CNGB3: variants seen among roughly 807,000 people sequenced by gnomAD.
CNGB3 encodes cyclic nucleotide-gated channel beta-3.
In CNGB3, 86 loss-of-function variants were observed where a neutral mutation model predicts 92.8. The observed-to-expected ratio is 0.93, with a 90% CI of 0.78 to 1.11. CNGB3 has a LOEUF of 1.11. Ranked by LOEUF, CNGB3 falls within the 50% of genes least tolerant of loss-of-function variation. The pLI is 0.00. For missense variants in CNGB3, 1,026 were observed against 956.8 expected, an observed-to-expected ratio of 1.07 and a Z score of -0.95; for synonymous variants, 333 against 332.7, an observed-to-expected ratio of 1.00 and a Z score of -0.01.
At chr8:86,717,480 T>C (rs1278863974) in intron 3 of CNGB3, among the ~76,000 whole-genome samples, 2 of 151,786 alleles carry the variant, frequency 1.3e-5, no homozygotes, top group East Asian at 1.9e-4. Context: ...GGAGAATTTT[T>C]TGAACCCAGG....
chr8:86,645,012 T>C (rs1823270340), intron 8 of CNGB3, among the ~76,000 whole-genome samples: 1 of 151,254 alleles, frequency 6.6e-6, no homozygotes. Flanking sequence ...TTCCCAACAA[T>C]TAAAGTCACA....
At chr8:86,654,316 C>G (rs1351005251) in intron 6 of CNGB3, among the ~76,000 whole-genome samples, 1 of 152,150 alleles carries the variant, frequency 6.6e-6, no homozygotes, top group Admixed American at 6.6e-5. Context: ...CCCTCACATT[C>G]ATCCTTAACT....
chr8:86,596,484 G>A (rs1053426427), intron 15 of CNGB3, among the ~76,000 whole-genome samples: 1 of 152,174 alleles, frequency 6.6e-6, no homozygotes, highest in Admixed American at 6.5e-5. Flanking sequence ...AAGGGCACAA[G>A]GCTGAATATG....
intron 10 of CNGB3, among the ~76,000 whole-genome samples, chr8:86,641,668 T>A (rs1823190584): frequency 6.6e-6 from 1 of 151,890 alleles, no homozygotes; most frequent in Non-Finnish European, 1.5e-5. Context: ...TAGAAGTTAT[T>A]CTCTCTATTT....
chr8:86,650,140 G>A (rs969709783), intron 7 of CNGB3, among the ~76,000 whole-genome samples: 5 of 151,498 alleles, frequency 3.3e-5, no homozygotes, highest in African/African-American at 7.3e-5. Context: ...GTACAGAACA[G>A]TAATTAAAAT....
At position 86,611,584 on chromosome 8, in the gene CNGB3, T is replaced by G. The variant is rs1822522169; in HGVS notation, c.1662+4A>C. The G allele has an allele frequency of 6.2e-7, 1 of 1,609,488 alleles. No individual in the cohort carries two copies. Among genetic ancestry groups the G allele is most frequent in the South Asian group, 1.1e-5 (1 of 90,994 alleles). On this transcript the variant is annotated splice_donor_region_variant and intron_variant, in intron 14 of 17. Coordinates refer to ENST00000320005, the MANE Select transcript of CNGB3 (RefSeq NM_019098.5). ...TGTGCATTTGAAAAATAGCATGCAC[T>G]CACCTTTTTGCAGACAAAGTCACCA... is the stretch of plus-strand genomic sequence containing the variant.
intron 6 of CNGB3, chr8:86,661,082 C>G (rs934118750): frequency 1.8e-5 from 4 of 224,888 alleles, no homozygotes; most frequent in African/African-American, 9.4e-5. Context: ...ATTCGTTCCC[C>G]CATATGAGTC....
intron 14 of CNGB3, among the ~76,000 whole-genome samples, chr8:86,607,846 G>A (rs1246604420): frequency 6.6e-6 from 1 of 152,084 alleles, no homozygotes; most frequent in South Asian, 2.1e-4. Context: ...CAAATTGAAC[G>A]TATTTTTTTC....
At chr8:86,582,813 T>G (rs1174950888) in intron 15 of CNGB3, among the ~76,000 whole-genome samples, 2 of 152,128 alleles carry the variant, frequency 1.3e-5, no homozygotes, top group Non-Finnish European at 2.9e-5. Context: ...GGCCTTGCCC[T>G]GCAAAAAACA....
At chr8:86,583,907 G>C (rs960303701) in intron 15 of CNGB3, among the ~76,000 whole-genome samples, 3 of 112,818 alleles carry the variant, frequency 2.7e-5, no homozygotes, top group African/African-American at 1.0e-4. Flanking sequence ...GGGTGACAGA[G>C]TGAGACCTTG....
chr8:86,608,626 T>G (rs776247747), intron 14 of CNGB3, among the ~76,000 whole-genome samples: 1 of 152,256 alleles, frequency 6.6e-6, no homozygotes. Flanking sequence ...TGTTCCATCC[T>G]GTACACCTAG....
chr8:86,575,832 A>C lies in CNGB3; in HGVS notation c.2402T>G (p.Ile801Ser). ...TTGCTTAGCCTTTTCTTTGACTTCA[A>C]TAGTAAGAACCTCTTCTCCGCCCTC... ...SAEGGEEVLT[I>S]EVKEKAKQ The change falls in exon 18 of 18, where the codon ATT becomes AGT. Residue 801 changes from isoleucine (I) to serine (S), a missense_variant. By Grantham distance (142) the Ile-to-Ser change is moderately radical. Transcript: ENST00000320005. 1 of 1,613,920 alleles carries C rather than the reference A, an allele frequency of 6.2e-7. No individual in the cohort carries two copies. Among genetic ancestry groups the C allele is most frequent in the Non-Finnish European group, 8.5e-7 (1 of 1,179,948 alleles).
rs189808336 is a variant in CNGB3 at position 86,715,629 on chromosome 8, A to G, written c.338+10902T>C. Among the ~76,000 whole-genome samples, 94 of 152,262 alleles carry G rather than the reference A, an allele frequency of 6.2e-4. 1 individual carries two copies. The highest frequency in any genetic ancestry group is 2.2e-3 in the African/African-American group (93 of 41,552). On this transcript the variant is annotated intron_variant, in intron 3 of 17. Transcript: ENST00000320005. ...GAAAAGATCTCACCAGCTCACCAGC[A>G]ATGGATCTAAACCAAGATGAAATCT...
chr8:86,648,638 A>G (rs1823337444), intron 7 of CNGB3, among the ~76,000 whole-genome samples: 1 of 151,274 alleles, frequency 6.6e-6, no homozygotes, highest in South Asian at 2.1e-4. Context: ...GGCAACAACA[A>G]TAAGAAATTC....
At chr8:86,582,102 G>A (rs2131535804) in intron 15 of CNGB3, among the ~76,000 whole-genome samples, 1 of 87,744 alleles carries the variant, frequency 1.1e-5, no homozygotes, top group Non-Finnish European at 2.8e-5. Flanking sequence ...AGATATTGGA[G>A]TTATTAGGAA....
intron 10 of CNGB3, among the ~76,000 whole-genome samples, chr8:86,636,947 T>C (rs1823083965): frequency 6.6e-6 from 1 of 152,240 alleles, no homozygotes; most frequent in Admixed American, 6.5e-5. Flanking sequence ...ATTTTAAGGC[T>C]GAATGATATT....
At chr8:86,739,620 G>GTTTTTTTTTTTTTTTTTTT in intron 2 of CNGB3, 35 bp downstream of exon 2, 3 of 1,488,506 alleles carry the variant, frequency 2.0e-6, no homozygotes, top group East Asian at 2.4e-5. Flanking sequence ...TCACTTTTTA[G>GTTTTTTTTTTTTTTTTTTT]TTTTTTTTTT....
intron 13 of CNGB3, among the ~76,000 whole-genome samples, chr8:86,614,214 C>T (rs1822572952): frequency 6.6e-6 from 1 of 151,924 alleles, no homozygotes. Context: ...TGCTTTATAC[C>T]ACTGCCTCCT....
chr8:86,585,001 T>C (rs904715556), intron 15 of CNGB3, among the ~76,000 whole-genome samples: 4 of 152,324 alleles, frequency 2.6e-5, no homozygotes, highest in African/African-American at 7.2e-5. Flanking sequence ...CTGAACAGAT[T>C]ACTAATGTCT....
Sources: gnomAD v4.1 joint callset for allele counts (sites outside exome capture counted in the v4.1 genomes callset) on GRCh38, gnomAD v4.1.1 for gene constraint, MANE v1.5 for transcripts, NCBI Gene and HGNC (gene_info 2026-07-23, HGNC 2026-07-21) for gene names.